Variants in MS4A14 observed in about 807,000 individuals in gnomAD.
The protein encoded by MS4A14 is membrane-spanning 4-domains subfamily A member 14.
In MS4A14, 18 loss-of-function variants were observed where a neutral mutation model predicts 16.7. The ratio of observed to expected loss-of-function variants is 1.08; its 90% CI spans 0.75 to 1.60. MS4A14 has a LOEUF of 1.60. Among genes scored for constraint, MS4A14 ranks in the 40% most tolerant of loss-of-function variants. The pLI is 0.00. For synonymous variants in MS4A14, 305 were observed against 289.4 expected, an observed-to-expected ratio of 1.05 and a Z score of -0.55; for missense variants, 812 against 775.3, an observed-to-expected ratio of 1.05 and a Z score of -0.56.
In MS4A14 at chr11:60,416,469, C is replaced by A; in HGVS notation, c.1501C>A (p.His501Asn). The A allele has an allele frequency of 6.2e-7, 1 of 1,613,936 alleles. No homozygotes were observed. The part of the protein sequence containing the change: ...QTKALQYLRR[H>N]SLDVQAKGQK... ...CAAAGCCTTGCAATACTTAAGGAGA[C>A]ATTCTTTAGACGTGCAAGCCAAAGG... is the stretch of plus-strand genomic sequence containing the variant. The change falls in exon 5 of 5, where the codon CAT (histidine) becomes AAT (asparagine). Residue 501 changes from histidine to asparagine, a missense_variant. Physicochemically the swap from His to Asn is moderately conservative, Grantham distance 68. Transcript: ENST00000300187.
chr11:60,416,072 A>G lies in MS4A14; in HGVS notation c.1104A>G (p.Gln368=), dbSNP rs2085937384. ...QGILSQDTSS[Q]DMLFHDMTSQ... ...TACTATCCCAAGACACATCATCTCA[A>G]GATATGCTGTTTCATGACATGACAT... Residue 368 remains glutamine, a synonymous_variant, in exon 5 of 5, where the codon CAA becomes CAG. Coordinates refer to ENST00000300187, the MANE Select transcript of MS4A14 (RefSeq NM_032597.5). The G allele has an allele frequency of 6.2e-7, 1 of 1,612,074 alleles. No individual in the cohort carries two copies. Among genetic ancestry groups the G allele is most frequent in the African/African-American group, 1.3e-5 (1 of 74,858 alleles).
At chr11:60,401,342 A>C (rs1055797486) in intron 3 of MS4A14, among the ~76,000 whole-genome samples, 1 of 152,202 alleles carries the variant, frequency 6.6e-6, no homozygotes, top group African/African-American at 2.4e-5. Context: ...GGGCAGATAA[A>C]TGTTTCCATC....
chr11:60,407,313 G>A (rs1219887860), intron 4 of MS4A14, among the ~76,000 whole-genome samples: 1 of 152,088 alleles, frequency 6.6e-6, no homozygotes, highest in Non-Finnish European at 1.5e-5. Flanking sequence ...GCGCCACTGC[G>A]CCCAGTCCAT....
intron 4 of MS4A14, among the ~76,000 whole-genome samples, chr11:60,412,798 G>A (rs1023705513): frequency 1.6e-4 from 25 of 151,776 alleles, no homozygotes; most frequent in African/African-American, 5.8e-4. Flanking sequence ...TTCCAACTTT[G>A]TTATTTTTCA....
At chr11:60,400,268 C>T (rs1590806617) in intron 2 of MS4A14, 136 bp from the exon 3 acceptor site, 2 of 553,262 alleles carry the variant, frequency 3.6e-6, no homozygotes, top group Non-Finnish European at 6.6e-6. Flanking sequence ...ACCTTCCCTA[C>T]TCCCTGATGC....
intron 4 of MS4A14, among the ~76,000 whole-genome samples, chr11:60,405,559 A>G (rs1316963706): frequency 6.6e-6 from 1 of 152,200 alleles, no homozygotes; most frequent in Non-Finnish European, 1.5e-5. Flanking sequence ...AGGGAAAAAC[A>G]AACAAAATAG....
chr11:60,399,276 A>G (rs1213275850), intron 2 of MS4A14, among the ~76,000 whole-genome samples: 1 of 152,210 alleles, frequency 6.6e-6, no homozygotes. Context: ...TCACCTGACC[A>G]TGGAGGTCAG....
intron 4 of MS4A14, among the ~76,000 whole-genome samples, chr11:60,410,029 T>G (rs1462369866): frequency 2.0e-5 from 3 of 152,090 alleles, no homozygotes; most frequent in Non-Finnish European, 4.4e-5. Flanking sequence ...TTTATTTTTA[T>G]TTTTATTTTT....
At chr11:60,402,413 G>A (rs1175821087) in intron 3 of MS4A14, among the ~76,000 whole-genome samples, 1 of 152,062 alleles carries the variant, frequency 6.6e-6, no homozygotes, top group Non-Finnish European at 1.5e-5. Context: ...GCCTAATGCA[G>A]TACTCACATG....
chr11:60,407,110 A>G (rs1005721366), intron 4 of MS4A14, among the ~76,000 whole-genome samples: 3 of 140,516 alleles, frequency 2.1e-5, no homozygotes, highest in Admixed American at 8.0e-5. Flanking sequence ...AATCTCCTGG[A>G]CTCAAGCAAC....
At position 60,416,934 on chromosome 11, in the gene MS4A14, T is replaced by C. The variant is rs747204523; in HGVS notation, c.1966T>C (p.Phe656Leu). The change falls in exon 5 of 5, where the codon TTC (phenylalanine) becomes CTC (leucine). Residue 656 changes from phenylalanine to leucine, a missense_variant. Transcript: ENST00000300187. Reference protein sequence around the residue: ...SQIQQYQFWQFHKGNLQAGQP... With the variant: ...SQIQQYQFWQLHKGNLQAGQP... ...AATACAGCAATACCAATTCTGGCAATTCCACAAAGGCAATCTCCAGGCTGG... is the reference window on the plus strand; with the variant it reads ...AATACAGCAATACCAATTCTGGCAACTCCACAAAGGCAATCTCCAGGCTGG... 1.5e-5 allele frequency: 25 copies of C among 1,613,546 alleles called. No individual in the cohort carries two copies. The highest frequency in any genetic ancestry group is 2.1e-5 in the Non-Finnish European group (25 of 1,179,746).
chr11:60,397,608 G>A (rs2085645841), intron 1 of MS4A14, among the ~76,000 whole-genome samples: 2 of 152,068 alleles, frequency 1.3e-5, no homozygotes, highest in Admixed American at 1.3e-4. Flanking sequence ...GTAACACCAG[G>A]GAAGATAGAA....
At chr11:60,397,525 C>T (rs114628199) in intron 1 of MS4A14, among the ~76,000 whole-genome samples, 2,149 of 152,058 alleles carry the variant, frequency 0.014, 50 homozygotes, top group African/African-American at 0.049. Context: ...GTTTATAGTC[C>T]CTGTGCTCAA....
chr11:60,406,407 T>C (rs2085786836), intron 4 of MS4A14, among the ~76,000 whole-genome samples: 1 of 152,238 alleles, frequency 6.6e-6, no homozygotes, highest in Admixed American at 6.5e-5. Flanking sequence ...TTTATAATAA[T>C]TGTTATAGAT....
intron 3 of MS4A14, 77 bp from the exon 4 acceptor site, chr11:60,402,835 C>A: frequency 7.1e-7 from 1 of 1,412,148 alleles, no homozygotes; most frequent in Non-Finnish European, 9.9e-7. Flanking sequence ...AAGATAAAAG[C>A]ACTAAAAATT....
Position 60,416,230 on chromosome 11 carries a change from C to A in MS4A14, c.1262C>A (p.Thr421Lys). 6.2e-7 allele frequency: 1 copy of A among 1,614,014 alleles called. No individual in the cohort carries two copies. The highest frequency in any genetic ancestry group is 8.5e-7 in the Non-Finnish European group (1 of 1,179,964). ...SAHAILPEAS[T>K]SHIVQFPEIQ... ...CATGCCATATTACCTGAAGCCTCAA[C>A]ATCCCATATTGTGCAGTTCCCTGAA... is the stretch of plus-strand genomic sequence containing the variant. Residue 421 changes from threonine (T) to lysine (K), a missense_variant, in exon 5 of 5, where the codon ACA (threonine) becomes AAA (lysine). By Grantham distance (78) the Thr-to-Lys change is moderately conservative (BLOSUM62 -1). Transcript: ENST00000300187.
Position 60,416,524 on chromosome 11 carries a change from A to G in MS4A14, c.1556A>G (p.Asp519Gly). 7.4e-6 allele frequency: 12 copies of G among 1,613,906 alleles called. No individual in the cohort carries two copies. Among genetic ancestry groups the G allele is most frequent in the Non-Finnish European group, 8.5e-6 (10 of 1,179,938 alleles). Residue 519 changes from aspartate (D) to glycine (G), a missense_variant, in exon 5 of 5, where the codon GAT becomes GGT. Transcript: ENST00000300187. The stretch of plus-strand genomic sequence containing the variant: ...AAATCCTCAAAGAGGCATTCCTTAG[A>G]TCAGCAAAGCAAAGGCTGGCAATCT... Reference protein sequence around the residue: ...GQKSSKRHSLDQQSKGWQSPK... With the variant: ...GQKSSKRHSLGQQSKGWQSPK...
chr11:60,411,667 A>G (rs75910474), intron 4 of MS4A14, among the ~76,000 whole-genome samples: 8,526 of 152,042 alleles, frequency 0.056, 319 homozygotes, highest in South Asian at 0.19. Context: ...TTTCCTGTGG[A>G]TTTGGGAGGA....
chr11:60,398,184 T>C (rs1187007563), intron 2 of MS4A14: 13 of 461,872 alleles, frequency 2.8e-5, no homozygotes, highest in Non-Finnish European at 1.5e-5. Context: ...GCTTAAAATT[T>C]GTTTCCAAAG....
Sources: gnomAD v4.1 joint callset for allele counts (sites outside exome capture counted in the v4.1 genomes callset) on GRCh38, gnomAD v4.1.1 for gene constraint, MANE v1.5 for transcripts, NCBI Gene and HGNC (gene_info 2026-07-23, HGNC 2026-07-21) for gene names.